Variants in PDE9A observed in about 807,000 individuals in gnomAD.
PDE9A encodes high affinity cGMP-specific 3',5'-cyclic phosphodiesterase 9A.
Under a neutral mutation model 87.4 loss-of-function variants are expected in PDE9A, and 60 were observed. The observed-to-expected ratio is 0.69, with a 90% CI of 0.56 to 0.85. The LOEUF is 0.85. Among genes scored for constraint, PDE9A ranks in the 40% least tolerant of loss-of-function variants. PDE9A has a pLI of 0.00. For synonymous variants in PDE9A, 272 were observed against 279.4 expected, an observed-to-expected ratio of 0.97 and a Z score of 0.27; for missense variants, 665 against 779.0, an observed-to-expected ratio of 0.85 and a Z score of 1.74.
chr21:42,707,860 C>G (rs2048966071), intron 4 of PDE9A, among the ~76,000 whole-genome samples: 1 of 152,200 alleles, frequency 6.6e-6, no homozygotes, highest in Non-Finnish European at 1.5e-5. Flanking sequence ...AGCACAGTGC[C>G]TGCCACTTGG....
intron 8 of PDE9A, among the ~76,000 whole-genome samples, chr21:42,745,336 T>C (rs1396803309): frequency 2.0e-5 from 3 of 152,216 alleles, no homozygotes; most frequent in Admixed American, 2.0e-4. Flanking sequence ...CATGCACTCA[T>C]GGGCTCATTT....
chr21:42,682,291 A>G (rs2059210481), intron 1 of PDE9A, among the ~76,000 whole-genome samples: 1 of 152,272 alleles, frequency 6.6e-6, no homozygotes, highest in South Asian at 2.1e-4. Flanking sequence ...AAACGGATGC[A>G]GCTATATTCT....
intron 1 of PDE9A, among the ~76,000 whole-genome samples, chr21:42,670,222 CATACACTT>C (rs1164428545): frequency 3.3e-4 from 38 of 114,728 alleles, no homozygotes; most frequent in Middle Eastern, 4.4e-3. Context: ...CATTCACACA[CATACACTT>C]ACATTCACAC....
At chr21:42,670,286 T>C (rs563617662) in intron 1 of PDE9A, among the ~76,000 whole-genome samples, 3,606 of 145,126 alleles carry the variant, frequency 0.025, 159 homozygotes, top group African/African-American at 0.091. Flanking sequence ...CATTCACACA[T>C]ACACATTCAC....
At chr21:42,668,308 C>G (rs1274698282) in intron 1 of PDE9A, among the ~76,000 whole-genome samples, 1 of 152,168 alleles carries the variant, frequency 6.6e-6, no homozygotes. Context: ...TTAGCTCCCA[C>G]TCGGAGTCCT....
rs78208581 is a variant in PDE9A at position 42,706,901 on chromosome 21, G to A, written c.262+7890G>A. The stretch of plus-strand genomic sequence containing the variant: ...CTTCCACTTTGCACACGGTGTTGCA[G>A]GCTCCCCGCGTTGTGGCATATGACA... On this transcript the variant is annotated intron_variant, in intron 4 of 19. Coordinates refer to ENST00000291539, the MANE Select transcript of PDE9A (RefSeq NM_002606.3). Among the ~76,000 whole-genome samples, 588 of 152,238 alleles carry A rather than the reference G, an allele frequency of 3.9e-3. 1 individual carries two copies. Among genetic ancestry groups the A allele is most frequent in the African/African-American group, 0.013 (523 of 41,538 alleles).
At chr21:42,719,185 C>A (rs2050237902) in intron 4 of PDE9A, among the ~76,000 whole-genome samples, 1 of 151,732 alleles carries the variant, frequency 6.6e-6, no homozygotes, top group African/African-American at 2.4e-5. Flanking sequence ...AATTTGGGTC[C>A]CACTGCCATG....
Position 42,731,794 on chromosome 21 carries a change from C to G in PDE9A, c.287C>G (p.Thr96Arg). ...LSAGVEDKRT[T>R]SRGQSAERPL... ...GCTGGTGTCGAGGACAAGAGAACCA[C>G]AAGCCGTGGCCAGTCTGCTGAGAGA... The change falls in exon 5 of 20, where the codon ACA becomes AGA. Residue 96 changes from threonine (T) to arginine (R), a missense_variant. Thr to Arg is a moderately conservative substitution (Grantham distance 71). Coordinates refer to ENST00000291539, the MANE Select transcript of PDE9A (RefSeq NM_002606.3). 6.2e-7 allele frequency: 1 copy of G among 1,613,804 alleles called. No homozygotes were observed. The highest frequency in any genetic ancestry group is 1.1e-5 in the South Asian group (1 of 91,020).
rs201391782 is a variant in PDE9A, at chr21:42,772,100, C to CT, written c.1687-339_1687-338insT. Among the ~76,000 whole-genome samples, 255 of 152,256 alleles carry CT rather than the reference C, an allele frequency of 1.7e-3. 3 individuals are homozygous for CT. The highest frequency in any genetic ancestry group is 4.9e-3 in the African/African-American group (203 of 41,524). ...GTTCCTTAAGGCCTCTGCCTTCCCC[C>CT]CTGTCAGCCCCCACAAAAAGGAGAG... On this transcript the variant is annotated intron_variant, in intron 18 of 19. Transcript: ENST00000291539.
chr21:42,712,424 G>A (rs1386051859), intron 4 of PDE9A, among the ~76,000 whole-genome samples: 2 of 152,104 alleles, frequency 1.3e-5, no homozygotes, highest in Non-Finnish European at 2.9e-5. Context: ...TTGTTTTATA[G>A]GTTCCTATAA....
chr21:42,728,043 T>C (rs568432699), intron 4 of PDE9A, among the ~76,000 whole-genome samples: 7 of 152,348 alleles, frequency 4.6e-5, no homozygotes, highest in African/African-American at 1.7e-4. Context: ...CATATCCATA[T>C]ATCCAACCAA....
chr21:42,656,402 G>C (rs1316557076), intron 1 of PDE9A, among the ~76,000 whole-genome samples: 2 of 152,242 alleles, frequency 1.3e-5, no homozygotes, highest in African/African-American at 4.8e-5. Context: ...GGGGAGGAAG[G>C]AGGGAACATT....
Position 42,732,106 on chromosome 21 carries a change from T to A in PDE9A, c.479T>A (p.Val160Asp). 6.2e-7 allele frequency: 1 copy of A among 1,614,194 alleles called. No homozygotes were observed. Residue 160 changes from valine to aspartate, a missense_variant, in exon 6 of 20, where the codon GTT (valine) becomes GAT (aspartate). Physicochemically the swap from Val to Asp is radical, Grantham distance 152 (BLOSUM62 -3). Coordinates refer to ENST00000291539, the MANE Select transcript of PDE9A (RefSeq NM_002606.3). ...TTAATCCAGAGCGTGCTGGCGCAGG[T>A]TGCAGAGCAGTTCTCAAGGTACAGA... ...EELIQSVLAQVAEQFSRAFKI... is the reference protein window; with the variant it reads ...EELIQSVLAQDAEQFSRAFKI...
rs1602376821 is a variant in PDE9A at position 42,739,488 on chromosome 21, A to C, written c.569-4288A>C. The stretch of plus-strand genomic sequence containing the variant: ...TGCTCACCTCTGCCTCCTCCTGCAG[A>C]CCTCCCCGCCAGCCCCGTCATTTCA... On this transcript the variant is annotated intron_variant, in intron 7 of 19. Transcript: ENST00000291539. This position sits in a 1 kb window ranked among gnomAD's most constrained non-coding sequence, Gnocchi z 4.1. 6.6e-6 allele frequency among the ~76,000 whole-genome samples: 1 copy of C among 151,484 alleles called. No individual in the cohort carries two copies. Among genetic ancestry groups the C allele is most frequent in the African/African-American group, 2.4e-5 (1 of 41,142 alleles).
In PDE9A at chr21:42,750,564, CTT is replaced by C. The variant is rs984907132; in HGVS notation, c.654-545_654-544del. On this transcript the variant is annotated intron_variant, in intron 8 of 19. Transcript: ENST00000291539. ...AGAGAAGATAGCCCTCAACATCTGA[CTT>C]TTTTTTCTTTTTTTTTTGAGATGGA... 2.6e-3 allele frequency among the ~76,000 whole-genome samples: 176 copies of C among 68,074 alleles called. 1 individual carries two copies. Among genetic ancestry groups the C allele is most frequent in the African/African-American group, 7.5e-3 (160 of 21,200 alleles). The allele number at this position is 68,074 out of a possible 152,430, so 44.7% of individuals were successfully genotyped here.
rs1318274465 is a variant in PDE9A, at chr21:42,675,111, G to A, written c.70-11081G>A. ...CAGGTGTGCGTTTAGGAGTGTGTAAGTGCGTGTAAGTGTGTGTCTGGCTTT... is the reference window on the plus strand; with the variant it reads ...CAGGTGTGCGTTTAGGAGTGTGTAAATGCGTGTAAGTGTGTGTCTGGCTTT... On this transcript the variant is annotated intron_variant, in intron 1 of 19. Transcript: ENST00000291539. This position sits in a 1 kb window ranked among gnomAD's most constrained non-coding sequence, Gnocchi z 4.3. 6.6e-6 allele frequency among the ~76,000 whole-genome samples: 1 copy of A among 152,238 alleles called. No homozygotes were observed. The highest frequency in any genetic ancestry group is 1.5e-5 in the Non-Finnish European group (1 of 68,042).
intron 4 of PDE9A, among the ~76,000 whole-genome samples, chr21:42,711,896 G>A (rs1050527316): frequency 1.3e-5 from 2 of 152,136 alleles, no homozygotes; most frequent in Non-Finnish European, 2.9e-5. Flanking sequence ...GCTGAACTCT[G>A]TTCTGCTTCA....
intron 8 of PDE9A, among the ~76,000 whole-genome samples, chr21:42,744,354 C>G (rs2053623319): frequency 6.7e-6 from 1 of 148,760 alleles, no homozygotes; most frequent in African/African-American, 2.5e-5. Context: ...GACTCTGTCT[C>G]AAGAAAAAAA....
At chr21:42,768,968 G>C (rs1602580365) in intron 16 of PDE9A, 59 bp from the exon 17 acceptor site, 1 of 1,542,056 alleles carries the variant, frequency 6.5e-7, no homozygotes, top group Non-Finnish European at 8.8e-7. Flanking sequence ...TCTGAGAACA[G>C]CGATCTGGTT....
Sources: allele counts gnomAD v4.1 joint callset (sites outside exome capture counted in the v4.1 genomes callset), GRCh38; gene constraint gnomAD v4.1.1; non-coding constraint Gnocchi (gnomAD v3.1); transcripts MANE v1.5; gene names NCBI Gene and HGNC (gene_info 2026-07-23, HGNC 2026-07-21).